The following KCNJ6 variants were observed in gnomAD, a reference collection of about 807,000 sequenced individuals.
The protein encoded by KCNJ6 is G protein-activated inward rectifier potassium channel 2.
KCNJ6 carries 9 observed loss-of-function variants against 34.2 expected under a neutral mutation model. The ratio of observed to expected loss-of-function variants is 0.26; its 90% CI spans 0.16 to 0.46. KCNJ6 has a LOEUF of 0.46. Ranked by LOEUF, KCNJ6 falls within the 20% of genes least tolerant of loss-of-function variation. The pLI is 1.00. For synonymous variants in KCNJ6, 196 were observed against 207.1 expected (o/e 0.95, Z 0.46); for missense variants, 236 against 531.3 (o/e 0.44, Z 5.46).
chr21:37,856,614 G>GGA (rs113788929), intron 1 of KCNJ6, among the ~76,000 whole-genome samples: 4,292 of 150,642 alleles, frequency 0.028, 216 homozygotes, highest in African/African-American at 0.098. Context: ...ACTCTTAAAT[G>GGA]GAGAGAGAGA....
chr21:37,666,772 G>A (rs189194667), intron 3 of KCNJ6, among the ~76,000 whole-genome samples: 39 of 152,084 alleles, frequency 2.6e-4, no homozygotes, highest in African/African-American at 8.7e-4. Context: ...GTAGAAAGAA[G>A]TAGACATAGG....
intron 3 of KCNJ6, among the ~76,000 whole-genome samples, chr21:37,685,448 A>G (rs112373384): frequency 4.4e-4 from 64 of 143,990 alleles, no homozygotes; most frequent in South Asian, 1.4e-3. Flanking sequence ...TTGGGAGGCC[A>G]AGGCGGGCGG....
intron 1 of KCNJ6, among the ~76,000 whole-genome samples, chr21:37,862,573 G>C (rs114484176): frequency 0.014 from 2,117 of 152,312 alleles, 45 homozygotes; most frequent in African/African-American, 0.048. Context: ...GGGTGATCTT[G>C]CTTCTATCTG....
intron 1 of KCNJ6, among the ~76,000 whole-genome samples, chr21:37,872,566 G>A (rs1052773402): frequency 6.6e-6 from 1 of 152,102 alleles, no homozygotes; most frequent in Non-Finnish European, 1.5e-5. Flanking sequence ...AAGGCTCTTT[G>A]CCCAACCTTC....
intron 2 of KCNJ6, among the ~76,000 whole-genome samples, chr21:37,765,282 G>A (rs1000749573): frequency 6.6e-6 from 1 of 152,148 alleles, no homozygotes; most frequent in Non-Finnish European, 1.5e-5. Flanking sequence ...AATTGGCCAT[G>A]GTGGGATATG....
intron 3 of KCNJ6, among the ~76,000 whole-genome samples, chr21:37,678,518 C>G (rs139017155): frequency 6.6e-6 from 1 of 152,126 alleles, no homozygotes; most frequent in Non-Finnish European, 1.5e-5. Context: ...ACCCAGAAAG[C>G]CTCCATGATA....
chr21:37,864,388 G>A (rs2055611441), intron 1 of KCNJ6, among the ~76,000 whole-genome samples: 1 of 152,166 alleles, frequency 6.6e-6, no homozygotes, highest in Non-Finnish European at 1.5e-5. Flanking sequence ...TAGGATTACA[G>A]GTGTGAGCCA....
intron 1 of KCNJ6, among the ~76,000 whole-genome samples, chr21:37,904,994 A>G (rs1463769865): frequency 6.6e-6 from 1 of 152,138 alleles, no homozygotes; most frequent in East Asian, 1.9e-4. Context: ...TCTGCCCAGC[A>G]CCGCTATTTA....
At chr21:37,638,310 C>A (rs1006062804) in intron 3 of KCNJ6, among the ~76,000 whole-genome samples, 13 of 152,062 alleles carry the variant, frequency 8.5e-5, no homozygotes, top group East Asian at 3.9e-4. Flanking sequence ...CCATGCCCTG[C>A]TAATTTTTGT....
chr21:37,671,532 G>A (rs1009118679), intron 3 of KCNJ6, among the ~76,000 whole-genome samples: 4 of 152,306 alleles, frequency 2.6e-5, no homozygotes, highest in Middle Eastern at 3.4e-3. Flanking sequence ...AACTGCTTTC[G>A]CAAATTAATT....
At chr21:37,868,648 T>C (rs2055635008) in intron 1 of KCNJ6, among the ~76,000 whole-genome samples, 1 of 152,184 alleles carries the variant, frequency 6.6e-6, no homozygotes. Flanking sequence ...GAAGATGTGT[T>C]AGTCGGAAAA....
intron 2 of KCNJ6, among the ~76,000 whole-genome samples, chr21:37,765,256 C>A (rs1043604417): frequency 6.6e-6 from 1 of 152,140 alleles, no homozygotes; most frequent in African/African-American, 2.4e-5. Flanking sequence ...TTCATGACAT[C>A]GCTTTGATAG....
intron 2 of KCNJ6, among the ~76,000 whole-genome samples, chr21:37,769,199 C>G (rs939532414): frequency 6.6e-6 from 1 of 152,098 alleles, no homozygotes; most frequent in African/African-American, 2.4e-5. Flanking sequence ...CCCCTAAGAG[C>G]TTACGTGATG....
At position 37,609,613 on chromosome 21, in the gene KCNJ6, A is replaced by G. The variant is rs2054235596; in HGVS notation, c.*15546T>C. The G allele has an allele frequency of 6.6e-6, 1 of 152,210 alleles. No homozygotes were observed. Among genetic ancestry groups the G allele is most frequent in the Non-Finnish European group, 1.5e-5 (1 of 68,030 alleles). The allele number at this position is 152,210 out of a possible 1,614,324, so 9.4% of individuals were successfully genotyped here. ...TAATGAAAAGTGGCCACTATTTTCC[A>G]TTACTGGTATATAACTAAAATAAAG... is the stretch of plus-strand genomic sequence containing the variant. On this transcript the variant is annotated 3_prime_UTR_variant, in exon 4 of 4. Coordinates refer to ENST00000609713, the MANE Select transcript of KCNJ6 (RefSeq NM_002240.5).
chr21:37,621,821 T>C lies in KCNJ6; in HGVS notation c.*3338A>G, dbSNP rs982940191. The C allele has an allele frequency of 1.3e-5, 2 of 152,250 alleles. No homozygotes were observed. Among genetic ancestry groups the C allele is most frequent in the Non-Finnish European group, 2.9e-5 (2 of 68,066 alleles). 9.4% of individuals were successfully genotyped at this position (152,250 alleles called of 1,614,324 possible). On this transcript the variant is annotated 3_prime_UTR_variant, in exon 4 of 4. Coordinates refer to ENST00000609713, the MANE Select transcript of KCNJ6 (RefSeq NM_002240.5). Reference sequence around the variant, plus strand: ...GGGATATATGCTGGAACAACCAGGCTGGAAGGCCATGTTTGAAGGAACAGA... The same window carrying C: ...GGGATATATGCTGGAACAACCAGGCCGGAAGGCCATGTTTGAAGGAACAGA...
chr21:37,894,421 T>C (rs955172751), intron 1 of KCNJ6, among the ~76,000 whole-genome samples: 1 of 152,174 alleles, frequency 6.6e-6, no homozygotes, highest in East Asian at 1.9e-4. Flanking sequence ...TCCCAGCACT[T>C]TGGGAGGCCG....
At chr21:37,625,948 C>T (rs2054308790) in intron 3 of KCNJ6, among the ~76,000 whole-genome samples, 1 of 152,120 alleles carries the variant, frequency 6.6e-6, no homozygotes, top group Non-Finnish European at 1.5e-5. Flanking sequence ...ACTTAGGCTG[C>T]TTTTAAGCTA....
intron 2 of KCNJ6, among the ~76,000 whole-genome samples, chr21:37,729,407 T>A (rs1444347696): frequency 6.6e-6 from 1 of 151,908 alleles, no homozygotes; most frequent in African/African-American, 2.4e-5. Flanking sequence ...CACTGTAGCC[T>A]CAACCTTCTG....
chr21:37,787,339 A>G (rs1318612189), intron 2 of KCNJ6, among the ~76,000 whole-genome samples: 4 of 152,290 alleles, frequency 2.6e-5, no homozygotes, highest in African/African-American at 9.6e-5. Context: ...ATGTTCCTCA[A>G]GGAGCTCTAC....
Sources: allele counts gnomAD v4.1 joint callset (sites outside exome capture counted in the v4.1 genomes callset), GRCh38; gene constraint gnomAD v4.1.1; transcripts MANE v1.5; gene names NCBI Gene and HGNC (gene_info 2026-07-23, HGNC 2026-07-21).